The following SGF29 variants were observed in gnomAD, a reference collection of about 807,000 sequenced individuals.
SGF29 encodes SAGA complex associated factor 29, also known as SAGA-associated factor 29.
Under a neutral mutation model 38.1 loss-of-function variants are expected in SGF29, and 15 were observed. That is an observed-to-expected ratio of 0.39 (90% CI 0.26 to 0.61). SGF29 has a LOEUF of 0.61. SGF29 is among the 20% of genes least tolerant of loss of function. The pLI is 0.49. For missense variants in SGF29, 184 were observed against 394.6 expected (o/e 0.47, Z 4.52); for synonymous variants, 151 against 160.8 (o/e 0.94, Z 0.46).
chr16:28,588,667 C>T (rs1472210824), intron 4 of SGF29: 12 of 418,022 alleles, frequency 2.9e-5, no homozygotes, highest in East Asian at 2.2e-4. Context: ...CAGGTTCAAG[C>T]GATTCTCTTG....
intron 1 of SGF29, among the ~76,000 whole-genome samples, chr16:28,577,278 A>G (rs1326070980): frequency 1.3e-5 from 2 of 151,694 alleles, no homozygotes; most frequent in Non-Finnish European, 2.9e-5. Context: ...AAAGTGTGCA[A>G]TTCATTGGTT....
chr16:28,589,894 C>G (rs972321300), intron 5 of SGF29, among the ~76,000 whole-genome samples: 15 of 152,182 alleles, frequency 9.9e-5, no homozygotes, highest in African/African-American at 2.9e-4. Context: ...CGCTGTGCTG[C>G]CATCTCACCC....
rs1483024657 is a variant in SGF29 at position 28,564,782 on chromosome 16, T to C, written c.-16+10685T>C. ...ATATATGTATATATATGTATATATA[T>C]ATATACACACACACACACACACACA... On this transcript the variant is annotated intron_variant, in intron 1 of 9. Transcript: ENST00000317058. 7.3e-3 allele frequency among the ~76,000 whole-genome samples: 854 copies of C among 116,506 alleles called. 11 individuals carry two copies. The highest frequency in any genetic ancestry group is 0.011 in the Non-Finnish European group (627 of 57,208). The allele number at this position is 116,506 out of a possible 152,430, so 76.4% of individuals were successfully genotyped here.
intron 4 of SGF29, among the ~76,000 whole-genome samples, chr16:28,587,807 G>A (rs187944239): frequency 3.3e-5 from 5 of 152,174 alleles, no homozygotes; most frequent in Non-Finnish European, 5.9e-5. Flanking sequence ...GTGGAAATAC[G>A]TATTTTTTTT....
At chr16:28,554,314 G>C (rs919888219) in intron 1 of SGF29, among the ~76,000 whole-genome samples, 1 of 151,484 alleles carries the variant, frequency 6.6e-6, no homozygotes, top group Non-Finnish European at 1.5e-5. Flanking sequence ...GCGCCCGGCC[G>C]CTCGAGGTCT....
intron 1 of SGF29, among the ~76,000 whole-genome samples, chr16:28,558,469 G>A (rs190817608): frequency 1.3e-5 from 2 of 152,132 alleles, no homozygotes; most frequent in African/African-American, 4.8e-5. Context: ...ATGTTGACAA[G>A]TCTGGTCTCA....
chr16:28,556,994 G>A (rs1464266157), intron 1 of SGF29, among the ~76,000 whole-genome samples: 2 of 152,150 alleles, frequency 1.3e-5, no homozygotes, highest in Non-Finnish European at 2.9e-5. Context: ...TGGGATGTGA[G>A]TGTGGGGTAT....
chr16:28,571,992 T>G (rs2046867623), intron 1 of SGF29, among the ~76,000 whole-genome samples: 1 of 152,212 alleles, frequency 6.6e-6, no homozygotes. Context: ...TTTATTTTTA[T>G]TTTTTGAGAC....
chr16:28,584,542 C>A (rs1405381473), intron 2 of SGF29, among the ~76,000 whole-genome samples: 1 of 152,076 alleles, frequency 6.6e-6, no homozygotes, highest in East Asian at 1.9e-4. Flanking sequence ...GTAATCCCAG[C>A]ACTTTGGGAG....
chr16:28,583,096 G>A (rs2046936097), intron 2 of SGF29, among the ~76,000 whole-genome samples: 1 of 152,238 alleles, frequency 6.6e-6, no homozygotes, highest in South Asian at 2.1e-4. Flanking sequence ...GCTTCCAAAA[G>A]CAGGCGTGGT....
At chr16:28,563,429 A>G (rs1225579939) in intron 1 of SGF29, among the ~76,000 whole-genome samples, 1 of 152,202 alleles carries the variant, frequency 6.6e-6, no homozygotes, top group Non-Finnish European at 1.5e-5. Flanking sequence ...CAGTAGGCAC[A>G]GTGATCTTCC....
chr16:28,569,665 A>T (rs928957081), intron 1 of SGF29, among the ~76,000 whole-genome samples: 1 of 152,190 alleles, frequency 6.6e-6, no homozygotes, highest in Non-Finnish European at 1.5e-5. Flanking sequence ...AAGAAAAAAA[A>T]AGAATAAATG....
At chr16:28,567,501 G>T (rs1197076014) in intron 1 of SGF29, among the ~76,000 whole-genome samples, 1 of 152,086 alleles carries the variant, frequency 6.6e-6, no homozygotes, top group Non-Finnish European at 1.5e-5. Flanking sequence ...TACCAGAAGT[G>T]GGGTGCTGCT....
At chr16:28,591,228 G>T (rs2046988784) in intron 9 of SGF29, among the ~76,000 whole-genome samples, 1 of 152,128 alleles carries the variant, frequency 6.6e-6, no homozygotes, top group African/African-American at 2.4e-5. Flanking sequence ...TGTGCTCTTG[G>T]TGACATGGGA....
chr16:28,569,229 A>AG (rs960676235), intron 1 of SGF29, among the ~76,000 whole-genome samples: 7 of 152,222 alleles, frequency 4.6e-5, no homozygotes, highest in Non-Finnish European at 7.3e-5. Context: ...CAAAGTGGTG[A>AG]GGGGGTGGCA....
chr16:28,580,531 T>C (rs540986499), intron 1 of SGF29, among the ~76,000 whole-genome samples: 35 of 152,326 alleles, frequency 2.3e-4, no homozygotes, highest in African/African-American at 7.7e-4. Context: ...TCGCTGCTTC[T>C]GTCTGCACCT....
chr16:28,585,627 A>T (rs767561240), intron 3 of SGF29, 21 bp from the exon 4 acceptor site: 45 of 1,611,744 alleles, frequency 2.8e-5, no homozygotes, highest in Non-Finnish European at 3.7e-5. Flanking sequence ...CTGCCTCCTT[A>T]TCCCTGTGTT....
chr16:28,567,671 GTCT>G (rs374304627), intron 1 of SGF29, among the ~76,000 whole-genome samples: 23 of 152,330 alleles, frequency 1.5e-4, no homozygotes, highest in African/African-American at 4.6e-4. Context: ...GAAAGCCTCA[GTCT>G]TCTTAGAGAT....
intron 1 of SGF29, among the ~76,000 whole-genome samples, chr16:28,559,944 C>T (rs766837606): frequency 6.6e-6 from 1 of 152,104 alleles, no homozygotes; most frequent in Non-Finnish European, 1.5e-5. Context: ...TTCTTAGACA[C>T]AAGAAATGGC....
Sources: allele counts gnomAD v4.1 joint callset (sites outside exome capture counted in the v4.1 genomes callset), GRCh38; gene constraint gnomAD v4.1.1; transcripts MANE v1.5; gene names NCBI Gene and HGNC (gene_info 2026-07-23, HGNC 2026-07-21).